The following ARHGEF4 variants were observed in gnomAD, a reference collection of about 807,000 sequenced individuals.
The protein encoded by ARHGEF4 is APC-stimulated guanine nucleotide exchange factor 1.
A neutral mutation model predicts 162.0 loss-of-function variants in ARHGEF4; 119 were observed. That is an observed-to-expected ratio of 0.73 (90% CI 0.63 to 0.86). The LOEUF (loss-of-function observed/expected upper bound fraction) is 0.86. ARHGEF4 is among the 40% of genes least tolerant of loss of function. The pLI is 0.00. For missense variants in ARHGEF4, 2,488 were observed against 2,456.0 expected (o/e 1.01, Z -0.28); for synonymous variants, 1,014 against 979.9 (o/e 1.03, Z -0.65).
At position 130,971,050 on chromosome 2, in the gene ARHGEF4, A is replaced by G. The variant is rs992364411; in HGVS notation, c.3985+24415A>G. 2.6e-5 allele frequency among the ~76,000 whole-genome samples: 4 copies of G among 152,086 alleles called. No individual in the cohort carries two copies. In the South Asian group the frequency reaches 6.2e-4, roughly 24 times the overall value. On this transcript the variant is annotated intron_variant, in intron 4 of 13. Transcript: ENST00000409359. ...CTTCTAGAAGGTTTTACAGTTTTAT[A>G]TTTTGTACTTAGATCTATGATCTAT... is the stretch of plus-strand genomic sequence containing the variant.
At chr2:130,922,472 G>T (rs1352680438) in intron 2 of ARHGEF4, among the ~76,000 whole-genome samples, 1 of 152,130 alleles carries the variant, frequency 6.6e-6, no homozygotes, top group Non-Finnish European at 1.5e-5. Flanking sequence ...CAAAAGAGAG[G>T]CTCAAATTTT....
chr2:130,872,292 C>G (rs2104935317), intron 1 of ARHGEF4, among the ~76,000 whole-genome samples: 1 of 152,218 alleles, frequency 6.6e-6, no homozygotes, highest in South Asian at 2.1e-4. Context: ...CAGGCGTGAC[C>G]CTATCCTGAT....
chr2:130,945,815 T>A (rs1683580620), intron 3 of ARHGEF4, among the ~76,000 whole-genome samples: 1 of 152,344 alleles, frequency 6.6e-6, no homozygotes, highest in East Asian at 1.9e-4. Context: ...TCCGTCTTTA[T>A]CATTGTTTGT....
intron 4 of ARHGEF4, among the ~76,000 whole-genome samples, chr2:130,988,870 GTGTATATATATATATA>G (rs1437210619): frequency 1.7e-4 from 5 of 29,282 alleles, no homozygotes; most frequent in African/African-American, 2.2e-4. Context: ...GTGTGTGTGT[GTGTATATATATATATA>G]TATATATATA....
At chr2:130,943,283 A>G (rs1683416742) in intron 3 of ARHGEF4, among the ~76,000 whole-genome samples, 1 of 151,996 alleles carries the variant, frequency 6.6e-6, no homozygotes, top group Non-Finnish European at 1.5e-5. Context: ...TTTCTTTTTG[A>G]TTAGTACTTG....
chr2:130,975,237 G>A (rs1004079294), intron 4 of ARHGEF4, among the ~76,000 whole-genome samples: 3 of 152,168 alleles, frequency 2.0e-5, no homozygotes, highest in Non-Finnish European at 2.9e-5. Context: ...CTAATTGTGT[G>A]AATCATTTTT....
Position 130,857,187 on chromosome 2 carries a change from G to A in ARHGEF4, c.39+20195G>A, listed in dbSNP as rs539359175. 2.6e-4 allele frequency among the ~76,000 whole-genome samples: 39 copies of A among 152,072 alleles called. 1 individual carries two copies. The East Asian group carries it at 2.7e-3, about 11-fold the overall frequency. On this transcript the variant is annotated intron_variant, in intron 1 of 13. Coordinates refer to ENST00000409359, the MANE Select transcript of ARHGEF4 (RefSeq NM_001367493.1). ...GCGAAGCTTGCGGTGAGCCGAGATC[G>A]CGTCACTGCACTCCAGCCTGGGCGA... is the stretch of plus-strand genomic sequence containing the variant.
intron 1 of ARHGEF4, among the ~76,000 whole-genome samples, chr2:130,845,399 G>C (rs921010358): frequency 6.6e-6 from 1 of 151,920 alleles, no homozygotes; most frequent in Non-Finnish European, 1.5e-5. Flanking sequence ...AGTCCCAGCT[G>C]CTTGGGAGGT....
chr2:130,871,262 G>A (rs541482772), intron 1 of ARHGEF4, among the ~76,000 whole-genome samples: 4 of 152,264 alleles, frequency 2.6e-5, no homozygotes, highest in East Asian at 3.9e-4. Flanking sequence ...GAGGCTGGGC[G>A]CAGTGGCTCA....
intron 2 of ARHGEF4, among the ~76,000 whole-genome samples, chr2:130,917,815 CTTTTTTTCTTT>C (rs1681605582): frequency 8.4e-6 from 1 of 118,820 alleles, no homozygotes; most frequent in South Asian, 2.9e-4. Context: ...TTTTCTTTTT[CTTTTTTTCTTT>C]TTTTTTTTTT....
chr2:130,960,389 C>T (rs1684559747), intron 4 of ARHGEF4, among the ~76,000 whole-genome samples: 1 of 152,126 alleles, frequency 6.6e-6, no homozygotes. Flanking sequence ...TGTTATCACC[C>T]TACAGTATTC....
At chr2:130,954,494 C>T (rs1684149364) in intron 4 of ARHGEF4, among the ~76,000 whole-genome samples, 1 of 152,176 alleles carries the variant, frequency 6.6e-6, no homozygotes, top group Non-Finnish European at 1.5e-5. Context: ...CACATGTATA[C>T]ATATGTAACA....
intron 6 of ARHGEF4, chr2:131,039,458 G>C (rs1250112589): frequency 9.8e-7 from 1 of 1,023,414 alleles, no homozygotes; most frequent in Non-Finnish European, 1.2e-6. Flanking sequence ...GAGGGGACCT[G>C]GATTCCATCT....
At position 131,046,209 on chromosome 2, in the gene ARHGEF4, CACCTGCTGGGCCTTCCTGCCAGT is replaced by C; in HGVS notation, c.*21_*43del. ...AAGTGAACTGGTCCCTGCCTGACAG[CACCTGCTGGGCCTTCCTGCCAGT>C]GGCCCCCAGTTTTTCTTCCCCGAGG... On this transcript the variant is annotated 3_prime_UTR_variant, in exon 14 of 14. Transcript: ENST00000409359. 6.3e-7 allele frequency: 1 copy of C among 1,599,140 alleles called. No individual in the cohort carries two copies. Among genetic ancestry groups the C allele is most frequent in the Non-Finnish European group, 8.5e-7 (1 of 1,170,686 alleles).
chr2:130,865,500 A>C (rs1449090209), intron 1 of ARHGEF4, among the ~76,000 whole-genome samples: 3 of 151,934 alleles, frequency 2.0e-5, no homozygotes, highest in Admixed American at 6.6e-5. Flanking sequence ...AGGTTGTGTC[A>C]CCTCCTCCTC....
intron 1 of ARHGEF4, among the ~76,000 whole-genome samples, chr2:130,907,782 C>T (rs746653070): frequency 3.3e-5 from 5 of 151,692 alleles, no homozygotes; most frequent in Non-Finnish European, 7.4e-5. Context: ...TGGTGAAACC[C>T]CATCTCTACT....
intron 3 of ARHGEF4, among the ~76,000 whole-genome samples, chr2:130,934,151 G>A (rs1682800736): frequency 6.6e-6 from 1 of 152,200 alleles, no homozygotes. Context: ...TTAAGTGCAT[G>A]ATCAATTTTG....
At chr2:130,843,420 T>C (rs534820724) in intron 1 of ARHGEF4, among the ~76,000 whole-genome samples, 37 of 152,292 alleles carry the variant, frequency 2.4e-4, no homozygotes, top group Non-Finnish European at 4.9e-4. Context: ...GTGGAGTGGG[T>C]GGGGCAGACC....
At chr2:131,040,613 C>G (rs1367580212) in intron 8 of ARHGEF4, among the ~76,000 whole-genome samples, 173 bp downstream of exon 8, 1 of 152,206 alleles carries the variant, frequency 6.6e-6, no homozygotes, top group Admixed American at 6.5e-5. Flanking sequence ...TTAGGATGGT[C>G]TCTGCTTCTG....
Sources: allele counts gnomAD v4.1 joint callset (sites outside exome capture counted in the v4.1 genomes callset), GRCh38; gene constraint gnomAD v4.1.1; transcripts MANE v1.5; gene names NCBI Gene and HGNC (gene_info 2026-07-23, HGNC 2026-07-21).